The following TMEM232 variants were observed in gnomAD, a reference collection of about 807,000 sequenced individuals.
TMEM232 encodes the protein transmembrane protein 232.
TMEM232 carries 80 observed loss-of-function variants against 78.8 expected under a neutral mutation model. The ratio of observed to expected loss-of-function variants is 1.01; its 90% CI spans 0.85 to 1.22. TMEM232 has a LOEUF of 1.22. Among genes scored for constraint, TMEM232 ranks in the 50% most tolerant of loss-of-function variants. The pLI is 0.00. For missense variants in TMEM232, 881 were observed against 742.2 expected (o/e 1.19, Z -2.17); for synonymous variants, 297 against 254.3 (o/e 1.17, Z -1.60).
chr5:110,555,963 G>A (rs1775027721), intron 11 of TMEM232, among the ~76,000 whole-genome samples: 1 of 152,018 alleles, frequency 6.6e-6, no homozygotes, highest in South Asian at 2.1e-4. Context: ...TTTTTAAGTG[G>A]GGTAGTTAGT....
intron 2 of TMEM232, among the ~76,000 whole-genome samples, chr5:110,398,672 A>T (rs181608987): frequency 1.3e-4 from 20 of 152,306 alleles, no homozygotes; most frequent in African/African-American, 3.6e-4. Flanking sequence ...CTGAAGAGGT[A>T]ACATCTCTCT....
intron 12 of TMEM232, among the ~76,000 whole-genome samples, chr5:110,435,202 G>C (rs548468732): frequency 6.6e-6 from 1 of 151,710 alleles, no homozygotes; most frequent in Non-Finnish European, 1.5e-5. Context: ...AAGGCTCCTA[G>C]ACCTATTAAA....
At chr5:110,539,288 C>T (rs1472574232) in intron 11 of TMEM232, among the ~76,000 whole-genome samples, 1 of 152,082 alleles carries the variant, frequency 6.6e-6, no homozygotes, top group African/African-American at 2.4e-5. Context: ...TATTACTTAC[C>T]CATCGACTCT....
intron 2 of TMEM232, among the ~76,000 whole-genome samples, chr5:110,665,371 C>T (rs2150121854): frequency 6.6e-6 from 1 of 152,162 alleles, no homozygotes; most frequent in Middle Eastern, 3.4e-3. Flanking sequence ...TTAGTCCGTT[C>T]TCACACTGCT....
intron 2 of TMEM232, among the ~76,000 whole-genome samples, chr5:110,662,039 G>A (rs368603799): frequency 3.9e-5 from 6 of 152,006 alleles, no homozygotes; most frequent in Admixed American, 2.6e-4. Flanking sequence ...ATATATTCTG[G>A]TTAATAGTCC....
At chr5:110,432,441 T>C (rs1360584900) in intron 12 of TMEM232, among the ~76,000 whole-genome samples, 2 of 151,588 alleles carry the variant, frequency 1.3e-5, no homozygotes, top group African/African-American at 4.8e-5. Context: ...TCTAAGGGAA[T>C]TCATCACATC....
intron 11 of TMEM232, among the ~76,000 whole-genome samples, chr5:110,533,505 C>G (rs527293290): frequency 3.8e-4 from 58 of 152,038 alleles, no homozygotes; most frequent in African/African-American, 1.3e-3. Context: ...TGCTTTAATA[C>G]TTTTAGAGGC....
chr5:110,473,448 GAAGAA>G (rs1249938612), intron 12 of TMEM232, among the ~76,000 whole-genome samples: 2 of 151,748 alleles, frequency 1.3e-5, no homozygotes, highest in Non-Finnish European at 2.9e-5. Context: ...CCAAGGATGT[GAAGAA>G]AAGGGAACCC....
intron 11 of TMEM232, among the ~76,000 whole-genome samples, chr5:110,531,411 A>C (rs1335168078): frequency 6.6e-6 from 1 of 152,170 alleles, no homozygotes; most frequent in Non-Finnish European, 1.5e-5. Flanking sequence ...CTCTGTGAGA[A>C]AGATCCACCT....
intron 11 of TMEM232, among the ~76,000 whole-genome samples, chr5:110,558,651 A>G (rs1581208881): frequency 6.6e-6 from 1 of 152,128 alleles, no homozygotes; most frequent in African/African-American, 2.4e-5. Context: ...CAAGTCCAAC[A>G]GTCAATAAAG....
At chr5:110,470,940 C>T (rs1762603346) in intron 12 of TMEM232, among the ~76,000 whole-genome samples, 1 of 151,990 alleles carries the variant, frequency 6.6e-6, no homozygotes, top group Non-Finnish European at 1.5e-5. Context: ...AAAATAATGA[C>T]CTTAAGGAAA....
chr5:110,671,042 G>A (rs1054668881), intron 1 of TMEM232, among the ~76,000 whole-genome samples: 2 of 151,968 alleles, frequency 1.3e-5, no homozygotes, highest in Non-Finnish European at 2.9e-5. Flanking sequence ...AACTCATGAG[G>A]CTATAAAAGC....
chr5:110,649,618 T>C (rs932243805), intron 2 of TMEM232, among the ~76,000 whole-genome samples: 5 of 152,052 alleles, frequency 3.3e-5, no homozygotes, highest in East Asian at 1.9e-4. Flanking sequence ...ATGATATCAG[T>C]TGTTTTGATA....
At chr5:110,636,615 A>G (rs192107157) in intron 5 of TMEM232, among the ~76,000 whole-genome samples, 69 of 152,162 alleles carry the variant, frequency 4.5e-4, no homozygotes, top group Admixed American at 1.6e-3. Context: ...GTAGCATCAT[A>G]GCTGAGAGTT....
chr5:110,689,063 TC>T (rs1475691642), intron 1 of TMEM232, among the ~76,000 whole-genome samples: 1 of 152,124 alleles, frequency 6.6e-6, no homozygotes, highest in Non-Finnish European at 1.5e-5. Flanking sequence ...TACCACCCTT[TC>T]CCTTTTAAAT....
intron 1 of TMEM232, among the ~76,000 whole-genome samples, chr5:110,712,114 A>T (rs1279980769): frequency 2.6e-4 from 39 of 151,332 alleles, no homozygotes; most frequent in East Asian, 9.7e-4. Flanking sequence ...TCAAAAAAAA[A>T]AAAAAAAAAA....
At chr5:110,399,194 T>C (rs1755500958) in intron 2 of TMEM232, among the ~76,000 whole-genome samples, 1 of 152,132 alleles carries the variant, frequency 6.6e-6, no homozygotes, top group South Asian at 2.1e-4. Context: ...TAAACTTTTT[T>C]TGACAGTTGG....
At chr5:110,620,591 CTCTCTCTCTCT>C in intron 7 of TMEM232, among the ~76,000 whole-genome samples, 1 of 69,382 alleles carries the variant, frequency 1.4e-5, no homozygotes, top group Admixed American at 1.5e-4. Flanking sequence ...CTCTCTCTCT[CTCTCTCTCTCT>C]CTCTCTCTCT....
At chr5:110,471,990 GAAGA>G (rs1220635426) in intron 12 of TMEM232, among the ~76,000 whole-genome samples, 1 of 151,938 alleles carries the variant, frequency 6.6e-6, no homozygotes, top group Non-Finnish European at 1.5e-5. Flanking sequence ...GGGAAACCTA[GAAGA>G]AAGAGATAAG....
Sources: allele counts gnomAD v4.1 joint callset (sites outside exome capture counted in the v4.1 genomes callset), GRCh38; gene constraint gnomAD v4.1.1; transcripts MANE v1.5; gene names NCBI Gene and HGNC (gene_info 2026-07-23, HGNC 2026-07-21).